Variants in EPHA8 observed in about 807,000 individuals in gnomAD.
EPHA8 encodes ephrin type-A receptor 8.
EPHA8 carries 58 observed loss-of-function variants against 103.6 expected under a neutral mutation model. The ratio of observed to expected loss-of-function variants is 0.56; its 90% confidence interval spans 0.45 to 0.70. The LOEUF (loss-of-function observed/expected upper bound fraction) is 0.70. EPHA8 is among the 30% of genes least tolerant of loss of function. The pLI, the probability that EPHA8 is intolerant of heterozygous loss-of-function variation, is 0.00. For synonymous variants in EPHA8, 559 were observed against 572.5 expected, an observed-to-expected ratio of 0.98 and a Z score of 0.34; for missense variants, 1,304 against 1,395.2, an observed-to-expected ratio of 0.93 and a Z score of 1.04.
intron 2 of EPHA8, among the ~76,000 whole-genome samples, chr1:22,570,305 T>C (rs1482932945): frequency 1.4e-5 from 2 of 145,608 alleles, no homozygotes; most frequent in African/African-American, 2.7e-5. Context: ...CATGCACACG[T>C]GTGCGTGTAC....
chr1:22,574,044 T>A (rs772655440), intron 2 of EPHA8, among the ~76,000 whole-genome samples: 1 of 152,210 alleles, frequency 6.6e-6, no homozygotes, highest in Non-Finnish European at 1.5e-5. Context: ...AGTGGCACAA[T>A]CTCAGCTCAC....
rs556852015 is a variant in EPHA8 at position 22,576,757 on chromosome 1, G to A, written c.700G>A (p.Val234Met). ...ACTGGTGGAGGTGAGGGGCCAGTGC[G>A]TGCGGCACTCAGAGGAGCGGGACAC... ...SSLVEVRGQCVRHSEERDTPK... is the reference protein window; with the variant it reads ...SSLVEVRGQCMRHSEERDTPK... The change falls in exon 3 of 17, where the codon GTG becomes ATG. Residue 234 changes from valine to methionine, a missense_variant. Coordinates refer to ENST00000166244, the MANE Select transcript of EPHA8 (RefSeq NM_020526.5). The surrounding 1 kb of genome is among the most constrained non-coding windows in gnomAD (Gnocchi z 4.8). 7.4e-6 allele frequency: 12 copies of A among 1,613,788 alleles called. No homozygotes were observed. In the East Asian group the frequency reaches 8.9e-5, roughly 12 times the overall value.
chr1:22,601,224 C>T, intron 15 of EPHA8, 76 bp from the exon 16 acceptor site: 27 of 1,542,322 alleles, frequency 1.8e-5, no homozygotes, highest in Non-Finnish European at 2.3e-5. Context: ...TGCCGAACCC[C>T]TTCCTCAGCC....
chr1:22,591,392 T>TCC (rs2148256675), intron 5 of EPHA8, among the ~76,000 whole-genome samples: 1 of 150,344 alleles, frequency 6.7e-6, no homozygotes, highest in East Asian at 2.0e-4. Flanking sequence ...CCAGTGATTT[T>TCC]TTTTTTTTTG....
intron 1 of EPHA8, among the ~76,000 whole-genome samples, chr1:22,565,539 G>A (rs1171092721): frequency 6.6e-6 from 1 of 152,174 alleles, no homozygotes. Flanking sequence ...AGGCTCTGAG[G>A]CCCCTCCATC....
intron 3 of EPHA8, among the ~76,000 whole-genome samples, chr1:22,577,422 G>A (rs1174375223): frequency 6.6e-6 from 1 of 152,186 alleles, no homozygotes; most frequent in East Asian, 1.9e-4. Context: ...TCCAGAGTTG[G>A]TGCTCGAAAC....
chr1:22,570,155 AATG>A (rs1326901949), intron 2 of EPHA8, among the ~76,000 whole-genome samples: 3 of 152,152 alleles, frequency 2.0e-5, no homozygotes, highest in Non-Finnish European at 4.4e-5. Context: ...AGGCTTTTAT[AATG>A]ATCATTAACA....
chr1:22,596,982 G>A (rs1641536098), intron 9 of EPHA8, among the ~76,000 whole-genome samples: 1 of 152,118 alleles, frequency 6.6e-6, no homozygotes, highest in Admixed American at 6.5e-5. Flanking sequence ...ATGAATCAAA[G>A]TTGACCCTTG....
chr1:22,583,365 T>A (rs1641097956), intron 3 of EPHA8, among the ~76,000 whole-genome samples: 1 of 152,238 alleles, frequency 6.6e-6, no homozygotes, highest in African/African-American at 2.4e-5. Context: ...TATAGCCATA[T>A]GGGTATTAGC....
chr1:22,567,782 C>T lies in EPHA8; in HGVS notation c.95-1507C>T, dbSNP rs1359463053. Among the ~76,000 whole-genome samples the T allele has an allele frequency of 6.6e-6, 1 of 152,206 alleles. No individual in the cohort carries two copies. ...TCCCCACGGGAAAGTTCCAGGAGAG[C>T]TCCACCTTTAACCCCCGTCACCTGC... On this transcript the variant is annotated intron_variant, in intron 1 of 16. Transcript: ENST00000166244. This position sits in a 1 kb window ranked among gnomAD's most constrained non-coding sequence, Gnocchi z 4.2.
At chr1:22,584,980 G>A (rs1361183516) in intron 3 of EPHA8, among the ~76,000 whole-genome samples, 2 of 152,142 alleles carry the variant, frequency 1.3e-5, no homozygotes, top group Non-Finnish European at 2.9e-5. Context: ...TGCAGGTGGT[G>A]AGGCCAAGCA....
chr1:22,589,012 G>T lies in EPHA8; in HGVS notation c.1121G>T (p.Ser374Ile), dbSNP rs779291992. The T allele has an allele frequency of 6.2e-7, 1 of 1,613,120 alleles. No individual in the cohort carries two copies. The highest frequency in any genetic ancestry group is 8.5e-7 in the Non-Finnish European group (1 of 1,179,636). ...AVCRRCPWAL[S>I]RCEACGSGTR... Reference sequence around the variant, plus strand: ...TGCCGCCGCTGCCCCTGGGCACTGAGCCGCTGCGAGGCATGTGGGAGCGGC... The same window carrying T: ...TGCCGCCGCTGCCCCTGGGCACTGATCCGCTGCGAGGCATGTGGGAGCGGC... The change falls in exon 5 of 17, where the codon AGC becomes ATC. Residue 374 changes from serine to isoleucine, a missense_variant. Physicochemically the swap from Ser to Ile is moderately radical, Grantham distance 142. Transcript: ENST00000166244. This position sits in a 1 kb window ranked among gnomAD's most constrained non-coding sequence, Gnocchi z 4.3.
chr1:22,592,421 A>G (rs924872003), intron 5 of EPHA8, among the ~76,000 whole-genome samples: 1 of 152,172 alleles, frequency 6.6e-6, no homozygotes, highest in Non-Finnish European at 1.5e-5. Flanking sequence ...CCCAGCTAGC[A>G]AGAGAGGGAG....
chr1:22,588,989 C>T lies in EPHA8; in HGVS notation c.1098C>T (p.Cys366=), dbSNP rs1641296256. ...GRSDITYNAV[C]RRCPWALSRC... ...GTGACATCACCTACAATGCCGTGTG[C>T]CGCCGCTGCCCCTGGGCACTGAGCC... The change falls in exon 5 of 17, where the codon TGC becomes TGT. Residue 366 remains cysteine (C), a synonymous_variant. Coordinates refer to ENST00000166244, the MANE Select transcript of EPHA8 (RefSeq NM_020526.5). 1.2e-6 allele frequency: 2 copies of T among 1,613,200 alleles called. No individual in the cohort carries two copies. Among genetic ancestry groups the T allele is most frequent in the East Asian group, 4.5e-5 (2 of 44,846 alleles).
intron 2 of EPHA8, among the ~76,000 whole-genome samples, chr1:22,575,216 G>A (rs1640650235): frequency 6.6e-6 from 1 of 152,136 alleles, no homozygotes; most frequent in African/African-American, 2.4e-5. Context: ...CTCCCAAAGT[G>A]CTGGGATTAC....
At chr1:22,592,515 T>G (rs1464201984) in intron 5 of EPHA8, among the ~76,000 whole-genome samples, 1 of 152,168 alleles carries the variant, frequency 6.6e-6, no homozygotes, top group East Asian at 1.9e-4. Flanking sequence ...TGGAGCTGCT[T>G]CTTAATTTCT....
At position 22,576,476 on chromosome 1, in the gene EPHA8, G is replaced by T; in HGVS notation, c.419G>T (p.Ser140Ile). 1 of 1,614,148 alleles carries T rather than the reference G, an allele frequency of 6.2e-7. No individual in the cohort carries two copies. The change falls in exon 3 of 17, where the codon AGC becomes ATC. Residue 140 changes from serine to isoleucine, a missense_variant. Coordinates refer to ENST00000166244, the MANE Select transcript of EPHA8 (RefSeq NM_020526.5). The surrounding 1 kb of genome is among the most constrained non-coding windows in gnomAD (Gnocchi z 4.8). ...DRDLGASTQESQFLKIDTIAA... is the reference protein window; with the variant it reads ...DRDLGASTQEIQFLKIDTIAA... ...GACCTGGGGGCCAGCACACAAGAAA[G>T]CCAGTTCCTCAAAATCGACACCATT... is the stretch of plus-strand genomic sequence containing the variant.
rs1641719194 is a variant in EPHA8, at chr1:22,601,283, G to C, written c.2730-17G>C. ...CCCGAACCCTCTGGCCACTTACCAAGAGCCCCTGTGCCTCAGGTGCCCACC... is the reference window on the plus strand; with the variant it reads ...CCCGAACCCTCTGGCCACTTACCAACAGCCCCTGTGCCTCAGGTGCCCACC... On this transcript the variant is annotated splice_polypyrimidine_tract_variant and intron_variant, in intron 15 of 16. Transcript: ENST00000166244. The C allele has an allele frequency of 6.3e-7, 1 of 1,585,906 alleles. No individual in the cohort carries two copies.
chr1:22,566,597 C>T (rs973513929), intron 1 of EPHA8, among the ~76,000 whole-genome samples: 1 of 152,114 alleles, frequency 6.6e-6, no homozygotes, highest in South Asian at 2.1e-4. Context: ...ACTGAAGGGC[C>T]CTAGGAGACC....
Sources: gnomAD v4.1 joint callset for allele counts (sites outside exome capture counted in the v4.1 genomes callset) on GRCh38, gnomAD v4.1.1 for gene constraint, Gnocchi (gnomAD v3.1) non-coding constraint, MANE v1.5 for transcripts, NCBI Gene and HGNC (gene_info 2026-07-23, HGNC 2026-07-21) for gene names.